MBOAT1: variants seen among roughly 807,000 people sequenced by gnomAD.
MBOAT1 encodes the protein membrane-bound glycerophospholipid O-acyltransferase 1.
A neutral mutation model predicts 64.4 loss-of-function variants in MBOAT1; 67 were observed. That is an observed-to-expected ratio of 1.04 (90% confidence interval 0.85 to 1.27). The LOEUF is 1.27. Among genes scored for constraint, MBOAT1 ranks in the 50% most tolerant of loss-of-function variants. The probability of loss-of-function intolerance (pLI) is 0.00; values close to 1 mark genes in which losing one functional copy is unlikely to be tolerated. For synonymous variants in MBOAT1, 229 were observed against 218.9 expected (o/e 1.05, Z -0.41); for missense variants, 563 against 604.6 (o/e 0.93, Z 0.72).
At chr6:20,157,332 G>A (rs1257150392) in intron 1 of MBOAT1, among the ~76,000 whole-genome samples, 2 of 152,024 alleles carry the variant, frequency 1.3e-5, no homozygotes, top group Admixed American at 6.6e-5. Flanking sequence ...GCCATAAAAT[G>A]AAAAACATTT....
chr6:20,150,373 A>C (rs1054881485), intron 3 of MBOAT1, among the ~76,000 whole-genome samples: 3 of 152,024 alleles, frequency 2.0e-5, no homozygotes, highest in Admixed American at 6.6e-5. Flanking sequence ...AACTTTCCTC[A>C]TCCCTCTTTG....
At chr6:20,130,644 T>C (rs532513478) in intron 5 of MBOAT1, among the ~76,000 whole-genome samples, 1 of 151,824 alleles carries the variant, frequency 6.6e-6, no homozygotes, top group Non-Finnish European at 1.5e-5. Flanking sequence ...TGAGCCACCG[T>C]GCCTGGCCCC....
chr6:20,159,490 A>T lies in MBOAT1; in HGVS notation c.100-6721T>A, dbSNP rs564247970. Among the ~76,000 whole-genome samples the T allele has an allele frequency of 2.6e-5, 4 of 152,302 alleles. No individual in the cohort carries two copies. The East Asian group carries it at 7.7e-4, about 29-fold the overall frequency. On this transcript the variant is annotated intron_variant, in intron 1 of 12. Transcript: ENST00000324607. ...TCTGTCATTTGCGACAACATGATAC[A>T]CCTAGAAGACATTGTGTTAAATGAC...
chr6:20,107,301 C>T (rs1027110027), intron 12 of MBOAT1, among the ~76,000 whole-genome samples: 6 of 152,266 alleles, frequency 3.9e-5, no homozygotes, highest in East Asian at 1.9e-4. Context: ...CTTCAGTGCT[C>T]GGAGCTTCGT....
chr6:20,199,418 C>T (rs371249168), intron 1 of MBOAT1, among the ~76,000 whole-genome samples: 2 of 152,076 alleles, frequency 1.3e-5, no homozygotes, highest in African/African-American at 2.4e-5. Context: ...AAAAAACCTG[C>T]GTACATCAAC....
At chr6:20,207,110 G>A (rs562889204) in intron 1 of MBOAT1, among the ~76,000 whole-genome samples, 29 of 152,298 alleles carry the variant, frequency 1.9e-4, no homozygotes, top group Non-Finnish European at 2.8e-4. Context: ...ATATTCATCC[G>A]TCTAAAAATG....
chr6:20,100,724 T>C lies in MBOAT1; in HGVS notation c.*1562A>G, dbSNP rs1480263931. ...GAAACATTTCTTTTATATGGGAACA[T>C]ACTGTTTATTCAATAAGAAATTAAT... is the stretch of plus-strand genomic sequence containing the variant. On this transcript the variant is annotated 3_prime_UTR_variant, in exon 13 of 13. Coordinates refer to ENST00000324607, the MANE Select transcript of MBOAT1 (RefSeq NM_001080480.3). Among the ~76,000 whole-genome samples, 1 of 152,208 alleles carries C rather than the reference T, an allele frequency of 6.6e-6. No individual in the cohort carries two copies. Among genetic ancestry groups the C allele is most frequent in the Non-Finnish European group, 1.5e-5 (1 of 68,034 alleles).
chr6:20,124,537 T>C lies in MBOAT1; in HGVS notation c.778A>G (p.Lys260Glu). Reference protein sequence around the residue: ...VSLLLFLTLTKTFPVTCLVDD... With the variant: ...VSLLLFLTLTETFPVTCLVDD... ...ACAAGGCAGGTGACAGGAAAGGTCT[T>C]CGTTAGCGTCAAAAACAAAAGGAGA... The change falls in exon 8 of 13, where the codon AAG becomes GAG. Residue 260 changes from lysine (K) to glutamate (E), a missense_variant. By Grantham distance (56) the Lys-to-Glu change is moderately conservative (BLOSUM62 1). Coordinates refer to ENST00000324607, the MANE Select transcript of MBOAT1 (RefSeq NM_001080480.3). The C allele has an allele frequency of 6.2e-7, 1 of 1,614,220 alleles. No individual in the cohort carries two copies.
At chr6:20,182,094 G>C (rs113432560) in intron 1 of MBOAT1, among the ~76,000 whole-genome samples, 52 of 152,290 alleles carry the variant, frequency 3.4e-4, no homozygotes, top group African/African-American at 1.2e-3. Context: ...GAGTTGTTAG[G>C]AGAATCTGAG....
chr6:20,163,249 C>T (rs1366338025), intron 1 of MBOAT1, among the ~76,000 whole-genome samples: 2 of 152,058 alleles, frequency 1.3e-5, no homozygotes, highest in Admixed American at 6.6e-5. Context: ...AAACTCAGGA[C>T]CATTTAGGAC....
chr6:20,128,687 C>T lies in MBOAT1; in HGVS notation c.530+12G>A, dbSNP rs189780837. Reference sequence around the variant, plus strand: ...CAAAGGGCTTGTTAATATATCGTTACACTTCACTTACTTGATAGCAAGTCG... The same window carrying T: ...CAAAGGGCTTGTTAATATATCGTTATACTTCACTTACTTGATAGCAAGTCG... On this transcript the variant is annotated intron_variant, in intron 6 of 12. Transcript: ENST00000324607. 237 of 1,603,798 alleles carry T rather than the reference C, an allele frequency of 1.5e-4. No homozygotes were observed. The highest frequency in any genetic ancestry group is 4.9e-4 in the Admixed American group (29 of 58,612).
chr6:20,106,884 A>C (rs1759975033), intron 12 of MBOAT1, among the ~76,000 whole-genome samples: 1 of 152,230 alleles, frequency 6.6e-6, no homozygotes, highest in Admixed American at 6.5e-5. Flanking sequence ...TGTTTTTAAA[A>C]AAATATTCTG....
At chr6:20,112,290 A>G (rs1488301704) in intron 11 of MBOAT1, among the ~76,000 whole-genome samples, 1 of 152,110 alleles carries the variant, frequency 6.6e-6, no homozygotes, top group Non-Finnish European at 1.5e-5. Context: ...AAATTGCAGA[A>G]CAATCTAGAG....
chr6:20,157,306 A>C (rs1761723947), intron 1 of MBOAT1, among the ~76,000 whole-genome samples: 1 of 152,188 alleles, frequency 6.6e-6, no homozygotes, highest in East Asian at 1.9e-4. Flanking sequence ...AAAAATGGGC[A>C]GTTTATAAAG....
At chr6:20,171,037 G>A (rs76927130) in intron 1 of MBOAT1, among the ~76,000 whole-genome samples, 5,574 of 152,210 alleles carry the variant, frequency 0.037, 110 homozygotes, top group African/African-American at 0.046. Flanking sequence ...TTGAAAGACC[G>A]TGCTTACTCT....
At chr6:20,154,787 C>T (rs1212331236) in intron 1 of MBOAT1, among the ~76,000 whole-genome samples, 1 of 152,170 alleles carries the variant, frequency 6.6e-6, no homozygotes, top group African/African-American at 2.4e-5. Flanking sequence ...TTTCAAGACT[C>T]ACATTCCCTA....
intron 1 of MBOAT1, among the ~76,000 whole-genome samples, chr6:20,176,777 C>T (rs1355831808): frequency 6.6e-6 from 1 of 152,080 alleles, no homozygotes; most frequent in African/African-American, 2.4e-5. Context: ...GCACGTGCCA[C>T]CACGCCCAGC....
chr6:20,166,345 G>C (rs1762014966), intron 1 of MBOAT1, among the ~76,000 whole-genome samples: 1 of 152,068 alleles, frequency 6.6e-6, no homozygotes. Context: ...CATTCCCTAG[G>C]AGGGAAAATA....
chr6:20,156,084 C>G (rs951911837), intron 1 of MBOAT1, among the ~76,000 whole-genome samples: 1 of 151,842 alleles, frequency 6.6e-6, no homozygotes, highest in Non-Finnish European at 1.5e-5. Flanking sequence ...CTGGCTAACA[C>G]GGTGAAACCC....
Sources: gnomAD v4.1 joint callset for allele counts (sites outside exome capture counted in the v4.1 genomes callset) on GRCh38, gnomAD v4.1.1 for gene constraint, MANE v1.5 for transcripts, NCBI Gene and HGNC (gene_info 2026-07-23, HGNC 2026-07-21) for gene names.